The following IARS1 variants were observed in gnomAD, a reference collection of about 807,000 sequenced individuals.
IARS1 encodes the protein isoleucine--tRNA ligase, cytoplasmic.
In IARS1, 124 loss-of-function variants were observed where a neutral mutation model predicts 168.2. That is an observed-to-expected ratio of 0.74 (90% confidence interval 0.64 to 0.86). The LOEUF (loss-of-function observed/expected upper bound fraction) is 0.86. Ranked by LOEUF, IARS1 falls within the 40% of genes least tolerant of loss-of-function variation. The pLI is 0.00. For missense variants in IARS1, 1,452 were observed against 1,515.8 expected (o/e 0.96, Z 0.70); for synonymous variants, 532 against 529.4 (o/e 1.00, Z -0.07).
At chr9:92,228,751 C>G (rs1826151169) in intron 31 of IARS1, among the ~76,000 whole-genome samples, 1 of 152,020 alleles carries the variant, frequency 6.6e-6, no homozygotes, top group Non-Finnish European at 1.5e-5. Context: ...GACTCTGAAG[C>G]CTGAAGTCCA....
At chr9:92,221,889 T>G (rs571848292) in intron 33 of IARS1, among the ~76,000 whole-genome samples, 2 of 152,344 alleles carry the variant, frequency 1.3e-5, no homozygotes, top group African/African-American at 4.8e-5. Flanking sequence ...TGTGATAATT[T>G]TGACTTTTGG....
chr9:92,272,860 AAAAC>A (rs755107296), intron 10 of IARS1, among the ~76,000 whole-genome samples: 5,759 of 104,054 alleles, frequency 0.055, 144 homozygotes, highest in Non-Finnish European at 0.069. Context: ...CAAACAAAAC[AAAAC>A]AAAAAAAAAA....
intron 25 of IARS1, among the ~76,000 whole-genome samples, chr9:92,249,539 T>A (rs1421735869): frequency 6.6e-6 from 1 of 151,698 alleles, no homozygotes; most frequent in Non-Finnish European, 1.5e-5. Context: ...AGTGAGAGAC[T>A]CTGTCGAAAG....
intron 13 of IARS1, 22 bp from the exon 14 acceptor site, chr9:92,268,322 A>T: frequency 6.2e-6 from 10 of 1,601,526 alleles, no homozygotes; most frequent in Non-Finnish European, 7.6e-6. Flanking sequence ...AGATCACATA[A>T]CCAATCACAT....
chr9:92,249,121 G>C (rs1829656049), intron 25 of IARS1, among the ~76,000 whole-genome samples: 1 of 152,132 alleles, frequency 6.6e-6, no homozygotes. Flanking sequence ...AAATTATGAA[G>C]CAGCCAGGAA....
At chr9:92,269,672 C>G (rs1196486181) in intron 13 of IARS1, among the ~76,000 whole-genome samples, 1 of 152,146 alleles carries the variant, frequency 6.6e-6, no homozygotes, top group Non-Finnish European at 1.5e-5. Flanking sequence ...AAGAAAAATA[C>G]TCCCTTACAT....
At chr9:92,284,520 CTCACAACTGTAAT>C (rs1835134112) in intron 6 of IARS1, among the ~76,000 whole-genome samples, 1 of 152,154 alleles carries the variant, frequency 6.6e-6, no homozygotes, top group Non-Finnish European at 1.5e-5. Context: ...GGCGCAATGG[CTCACAACTGTAAT>C]TCCAACACTT....
chr9:92,288,273 G>T lies in IARS1; in HGVS notation c.129C>A (p.Phe43Leu). 1 of 1,613,918 alleles carries T rather than the reference G, an allele frequency of 6.2e-7. No individual in the cohort carries two copies. Among genetic ancestry groups the T allele is most frequent in the South Asian group, 1.1e-5 (1 of 91,038 alleles). Residue 43 changes from phenylalanine to leucine, a missense_variant, in exon 3 of 34, where the codon TTC (phenylalanine) becomes TTA (leucine). By Grantham distance (22) the Phe-to-Leu change is conservative. Coordinates refer to ENST00000443024, the MANE Select transcript of IARS1 (RefSeq NM_002161.6). The part of the protein sequence containing the change: ...KQSKHKPKFT[F>L]YDGPPFATGL... ...CAGTTGCAAAAGGAGGACCATCATA[G>T]AAGGTAAATCTAACAGGTAATAAAA...
intron 33 of IARS1, among the ~76,000 whole-genome samples, chr9:92,219,068 A>T (rs1839251851): frequency 6.6e-6 from 1 of 152,226 alleles, no homozygotes; most frequent in Admixed American, 6.5e-5. Context: ...TGGTACCAAA[A>T]TAGAGATATA....
intron 31 of IARS1, among the ~76,000 whole-genome samples, chr9:92,227,664 C>A (rs1238740824): frequency 6.7e-6 from 1 of 149,894 alleles, no homozygotes; most frequent in Non-Finnish European, 1.5e-5. Flanking sequence ...TCAGACGGGG[C>A]GGCCGGGCAG....
chr9:92,240,560 C>CA (rs1051800642), intron 30 of IARS1: 2 of 463,320 alleles, frequency 4.3e-6, no homozygotes, highest in African/African-American at 4.2e-5. Flanking sequence ...ATGCCTGGCC[C>CA]TTTTTTTTTT....
chr9:92,251,010 T>A, intron 22 of IARS1, 176 bp from the exon 23 acceptor site: 1 of 660,788 alleles, frequency 1.5e-6, no homozygotes, highest in South Asian at 1.7e-5. Flanking sequence ...CCCTGAAGCA[T>A]AGCTGCAGGA....
At chr9:92,227,269 A>G (rs1825855016) in intron 31 of IARS1, among the ~76,000 whole-genome samples, 1 of 149,136 alleles carries the variant, frequency 6.7e-6, no homozygotes, top group African/African-American at 2.5e-5. Flanking sequence ...CCCCCTTTCT[A>G]TTCCACAAAA....
intron 7 of IARS1, among the ~76,000 whole-genome samples, chr9:92,280,001 C>T (rs1341192876): frequency 1.3e-5 from 2 of 152,164 alleles, no homozygotes; most frequent in African/African-American, 4.8e-5. Context: ...AATAATATTC[C>T]ACTGTACGTA....
At position 92,286,556 on chromosome 9, in the gene IARS1, T is replaced by C. The variant is rs1319775270; in HGVS notation, c.459A>G (p.Pro153=). Residue 153 remains proline (P), a synonymous_variant, in exon 5 of 34, where the codon CCA becomes CCG. Coordinates refer to ENST00000443024, the MANE Select transcript of IARS1 (RefSeq NM_002161.6). ...CCTACCAGACTGATTCCATGAATTG[T>C]GGATACAGAGTTTTATAGTCATTGT... ...DFDNDYKTLY[P]QFMESVWWVF... is the part of the protein sequence containing the mutation. 1.3e-6 allele frequency: 2 copies of C among 1,589,458 alleles called. No homozygotes were observed. The highest frequency in any genetic ancestry group is 8.6e-7 in the Non-Finnish European group (1 of 1,157,988).
intron 29 of IARS1, 105 bp downstream of exon 29, chr9:92,242,049 G>A (rs1828493917): frequency 2.4e-6 from 2 of 835,650 alleles, no homozygotes; most frequent in Non-Finnish European, 4.0e-6. Flanking sequence ...AAGACAGAGT[G>A]CTGTGCCGAT....
rs781397669 is a variant in IARS1 at position 92,250,713 on chromosome 9, C to T, written c.2429G>A (p.Arg810Gln). 14 of 1,602,144 alleles carry T rather than the reference C, an allele frequency of 8.7e-6. No homozygotes were observed. Among genetic ancestry groups the T allele is most frequent in the South Asian group, 3.4e-5 (3 of 88,922 alleles). The change falls in exon 23 of 34, where the codon CGA (arginine) becomes CAA (glutamine). Residue 810 changes from arginine to glutamine, a missense_variant and splice_region_variant. Arg to Gln is a conservative substitution (Grantham distance 43, BLOSUM62 1). Transcript: ENST00000443024. ...SIHYLMLPRV[R>Q]EELIDKKTES... ...AGGCTTATTTCTATTTGAGTCCTAC[C>T]GAACACGGGGCAGCATGAGGTAGTG...
intron 18 of IARS1, among the ~76,000 whole-genome samples, chr9:92,259,401 A>G (rs1413292600): frequency 6.6e-6 from 1 of 152,184 alleles, no homozygotes; most frequent in Admixed American, 6.5e-5. Context: ...AAGAGCCTTC[A>G]CAGAGCAGAG....
rs763082299 is a variant in IARS1, at chr9:92,265,550, C to A, written c.1435G>T (p.Val479Leu). ...AGTTCCGCCACTGACCCAATGCATA[C>A]CACCTGTCAAAAACAAAGTTCAATA... ...LWVSDDFEEV[V>L]CIGSVAELEE... The change falls in exon 15 of 34, where the codon GTA becomes TTA. Residue 479 changes from valine (V) to leucine (L), a missense_variant. Val to Leu is a conservative substitution (Grantham distance 32). Coordinates refer to ENST00000443024, the MANE Select transcript of IARS1 (RefSeq NM_002161.6). 1.2e-6 allele frequency: 2 copies of A among 1,613,824 alleles called. No individual in the cohort carries two copies. The highest frequency in any genetic ancestry group is 1.7e-6 in the Non-Finnish European group (2 of 1,179,766).
Sources: gnomAD v4.1 joint callset for allele counts (sites outside exome capture counted in the v4.1 genomes callset) on GRCh38, gnomAD v4.1.1 for gene constraint, MANE v1.5 for transcripts, NCBI Gene and HGNC (gene_info 2026-07-23, HGNC 2026-07-21) for gene names.